PPP2R5E: variants seen among roughly 807,000 people sequenced by gnomAD.
PPP2R5E encodes the protein serine/threonine-protein phosphatase 2A 56 kDa regulatory subunit epsilon isoform.
PPP2R5E carries 4 observed loss-of-function variants against 65.3 expected under a neutral mutation model. That is an observed-to-expected ratio of 0.06 (90% CI 0.03 to 0.14). The LOEUF is 0.14. PPP2R5E is among the 10% of genes least tolerant of loss of function. The pLI is 1.00. For synonymous variants in PPP2R5E, 183 were observed against 187.4 expected, an observed-to-expected ratio of 0.98 and a Z score of 0.19; for missense variants, 274 against 556.1, an observed-to-expected ratio of 0.49 and a Z score of 5.10.
chr14:63,467,053 C>T (rs1048803229), intron 2 of PPP2R5E, among the ~76,000 whole-genome samples: 4 of 151,700 alleles, frequency 2.6e-5, no homozygotes, highest in East Asian at 3.9e-4. Context: ...GGTGAAACCC[C>T]GTCTCTACTA....
At chr14:63,377,839 C>T (rs1468009186) in intron 13 of PPP2R5E, among the ~76,000 whole-genome samples, 1 of 152,166 alleles carries the variant, frequency 6.6e-6, no homozygotes, top group African/African-American at 2.4e-5. Context: ...AGATAATCCT[C>T]CAATCTTCTT....
chr14:63,504,680 A>C (rs1350447781), intron 2 of PPP2R5E, among the ~76,000 whole-genome samples: 1 of 152,208 alleles, frequency 6.6e-6, no homozygotes, highest in African/African-American at 2.4e-5. Context: ...AACAAGGCTT[A>C]CAGTCTAACT....
At position 63,542,936 on chromosome 14, in the gene PPP2R5E, G is replaced by C. The variant is rs2139786960; in HGVS notation, c.-165C>G. The C allele has an allele frequency of 6.5e-6, 1 of 152,730 alleles. No homozygotes were observed. The highest frequency in any genetic ancestry group is 1.5e-5 in the Non-Finnish European group (1 of 68,276). 9.5% of individuals were successfully genotyped at this position (152,730 alleles called of 1,614,324 possible). On this transcript the variant is annotated 5_prime_UTR_variant, in exon 1 of 14. Coordinates refer to ENST00000337537, the MANE Select transcript of PPP2R5E (RefSeq NM_006246.5). ...CTGGGGCGACGGCTGTCCGGTACGG[G>C]GTCCCTCCGGTTCCGCGGCGGCGGA...
chr14:63,499,686 C>A (rs1233699726), intron 2 of PPP2R5E, among the ~76,000 whole-genome samples: 1 of 151,640 alleles, frequency 6.6e-6, no homozygotes, highest in African/African-American at 2.4e-5. Flanking sequence ...GAGATCGCAC[C>A]ACTGCACTCC....
Position 63,374,899 on chromosome 14 carries a change from C to T in PPP2R5E, c.*1110G>A, listed in dbSNP as rs1448956351. ...AATAATGTTTATCCTGAATCCTTTC[C>T]GGCTAAAAACAGGGCTGGCGCTGTG... On this transcript the variant is annotated 3_prime_UTR_variant, in exon 14 of 14. Coordinates refer to ENST00000337537, the MANE Select transcript of PPP2R5E (RefSeq NM_006246.5). 5 of 152,040 alleles carry T rather than the reference C, an allele frequency of 3.3e-5. No homozygotes were observed. Among genetic ancestry groups the T allele is most frequent in the South Asian group, 4.2e-4 (2 of 4,814 alleles). The allele number at this position is 152,040 out of a possible 1,614,324, so 9.4% of individuals were successfully genotyped here.
chr14:63,533,117 G>A (rs1026245167), intron 2 of PPP2R5E, among the ~76,000 whole-genome samples: 1 of 152,104 alleles, frequency 6.6e-6, no homozygotes, highest in Non-Finnish European at 1.5e-5. Flanking sequence ...TTAAAGGTGT[G>A]AGTTATTTAC....
chr14:63,381,503 G>C (rs2356515), intron 13 of PPP2R5E, among the ~76,000 whole-genome samples: 45,477 of 151,514 alleles, frequency 0.3, 13,021 homozygotes, highest in African/African-American at 0.74. Context: ...TGAGGCAGAA[G>C]TGAAATATTA....
intron 3 of PPP2R5E, among the ~76,000 whole-genome samples, chr14:63,448,506 T>C (rs895756230): frequency 2.0e-5 from 3 of 151,794 alleles, no homozygotes; most frequent in Non-Finnish European, 2.9e-5. Context: ...AAACCTTCAA[T>C]TTGTTTGGGC....
chr14:63,522,424 G>A (rs1354492297), intron 2 of PPP2R5E, among the ~76,000 whole-genome samples: 2 of 150,126 alleles, frequency 1.3e-5, no homozygotes, highest in African/African-American at 4.9e-5. Flanking sequence ...GACGTGAGGA[G>A]CCCCTCTGCC....
intron 10 of PPP2R5E, among the ~76,000 whole-genome samples, chr14:63,390,249 A>G (rs1884934369): frequency 6.6e-6 from 1 of 151,806 alleles, no homozygotes; most frequent in South Asian, 2.1e-4. Context: ...ACTCACTCAC[A>G]TGCAGGTGCC....
chr14:63,452,706 G>A (rs969132773), intron 3 of PPP2R5E: 15 of 152,104 alleles, frequency 9.9e-5, no homozygotes, highest in African/African-American at 3.1e-4. Context: ...ACAGTCTCAC[G>A]CTGAGATCAT....
At chr14:63,385,963 T>C (rs1212849383) in intron 11 of PPP2R5E, among the ~76,000 whole-genome samples, 3 of 152,168 alleles carry the variant, frequency 2.0e-5, no homozygotes, top group South Asian at 2.1e-4. Context: ...CTGGGCCTGA[T>C]TGGCTCATCT....
intron 6 of PPP2R5E, among the ~76,000 whole-genome samples, chr14:63,396,362 G>A (rs1285897866): frequency 9.0e-6 from 1 of 110,548 alleles, no homozygotes; most frequent in Non-Finnish European, 1.9e-5. Context: ...GGGAGGAGAA[G>A]ATGGGGGAGG....
At chr14:63,388,030 T>C (rs538990647) in intron 11 of PPP2R5E, among the ~76,000 whole-genome samples, 1 of 152,294 alleles carries the variant, frequency 6.6e-6, no homozygotes, top group Admixed American at 6.5e-5. Context: ...TCGCCAGTCT[T>C]GTTATGGCAG....
At chr14:63,496,842 A>G (rs969233556) in intron 2 of PPP2R5E, among the ~76,000 whole-genome samples, 14 of 152,162 alleles carry the variant, frequency 9.2e-5, no homozygotes, top group East Asian at 7.7e-4. Flanking sequence ...TAAAATCTCA[A>G]TTCTAGATTT....
chr14:63,483,341 T>C (rs968014240), intron 2 of PPP2R5E, among the ~76,000 whole-genome samples: 3 of 151,978 alleles, frequency 2.0e-5, no homozygotes, highest in Non-Finnish European at 4.4e-5. Context: ...CTATAGGAGA[T>C]TAAGGCTGTC....
intron 3 of PPP2R5E, among the ~76,000 whole-genome samples, chr14:63,438,012 C>G (rs957893075): frequency 6.6e-6 from 1 of 152,190 alleles, no homozygotes; most frequent in Admixed American, 6.5e-5. Flanking sequence ...GTCTTTGCAC[C>G]ATTTTTCAGA....
chr14:63,422,212 C>G (rs1422319479), intron 3 of PPP2R5E, 118 bp from the exon 4 acceptor site: 2 of 781,546 alleles, frequency 2.6e-6, no homozygotes, highest in African/African-American at 3.5e-5. Flanking sequence ...CATCACCAAA[C>G]TAGAATAAGG....
rs1883910682 is a variant in PPP2R5E at position 63,375,037 on chromosome 14, A to G, written c.*972T>C. On this transcript the variant is annotated 3_prime_UTR_variant, in exon 14 of 14. Coordinates refer to ENST00000337537, the MANE Select transcript of PPP2R5E (RefSeq NM_006246.5). ...ATAAATACATATTAAAAAGTAAGGCAACAACTCCAAACAGTCCAAGCTGTT... is the reference window on the plus strand; with the variant it reads ...ATAAATACATATTAAAAAGTAAGGCGACAACTCCAAACAGTCCAAGCTGTT... 1 of 152,580 alleles carries G rather than the reference A, an allele frequency of 6.6e-6. No homozygotes were observed. 9.5% of individuals were successfully genotyped at this position (152,580 alleles called of 1,614,324 possible).
Sources: gnomAD v4.1 joint callset for allele counts (sites outside exome capture counted in the v4.1 genomes callset) on GRCh38, gnomAD v4.1.1 for gene constraint, MANE v1.5 for transcripts, NCBI Gene and HGNC (gene_info 2026-07-23, HGNC 2026-07-21) for gene names.